Variants in MARCHF1 observed in about 807,000 individuals in gnomAD.
MARCHF1 encodes membrane associated ring-CH-type finger 1.
MARCHF1 carries 40 observed loss-of-function variants against 54.2 expected under a neutral mutation model. The observed-to-expected ratio is 0.74, with a 90% CI of 0.57 to 0.96. The LOEUF is 0.96. MARCHF1 is among the 40% of genes least tolerant of loss of function. The probability of loss-of-function intolerance (pLI) is 0.00; values close to 1 mark genes in which losing one functional copy is unlikely to be tolerated. For missense variants in MARCHF1, 586 were observed against 656.5 expected (o/e 0.89, Z 1.17); for synonymous variants, 236 against 236.3 (o/e 1.00, Z 0.01).
intron 1 of MARCHF1, among the ~76,000 whole-genome samples, chr4:164,294,512 G>A (rs958663516): frequency 2.6e-5 from 4 of 151,994 alleles, no homozygotes; most frequent in African/African-American, 9.7e-5. Flanking sequence ...TTTTTCACAT[G>A]CTGCAAAAAA....
Position 163,555,703 on chromosome 4 carries a change from A to G in MARCHF1, c.1192-9960T>C. 3 of 234,976 alleles carry G rather than the reference A, an allele frequency of 1.3e-5. No individual in the cohort carries two copies. The Admixed American group carries it at 1.5e-4, about 11-fold the overall frequency. 14.6% of individuals were successfully genotyped at this position (234,976 alleles called of 1,614,324 possible). A position where few individuals can be genotyped will look rare whatever the true frequency, so the allele number is the denominator to read the frequency against. ...GATTGTGGCTTCATAAAGAAAACAAAAGGAATAATTGGGTTACATTTCACA... is the reference window on the plus strand; with the variant it reads ...GATTGTGGCTTCATAAAGAAAACAAGAGGAATAATTGGGTTACATTTCACA... On this transcript the variant is annotated intron_variant, in intron 8 of 9. Coordinates refer to ENST00000514618, the MANE Select transcript of MARCHF1 (RefSeq NM_001394959.1).
At chr4:164,115,706 A>G (rs1755925642) in intron 1 of MARCHF1, among the ~76,000 whole-genome samples, 1 of 152,156 alleles carries the variant, frequency 6.6e-6, no homozygotes, top group Admixed American at 6.6e-5. Context: ...ATAACAAATT[A>G]TAAATATTAT....
intron 1 of MARCHF1, among the ~76,000 whole-genome samples, chr4:164,336,382 T>G (rs774205185): frequency 1.3e-5 from 2 of 152,228 alleles, no homozygotes; most frequent in Non-Finnish European, 2.9e-5. Flanking sequence ...GGATATGTAA[T>G]ATCCATTGAA....
chr4:163,906,176 G>T (rs1325710117), intron 3 of MARCHF1, among the ~76,000 whole-genome samples: 1 of 151,970 alleles, frequency 6.6e-6, no homozygotes, highest in Non-Finnish European at 1.5e-5. Flanking sequence ...GTCACAAATT[G>T]TTCCCTCCTC....
chr4:164,142,185 T>A (rs1049785227), intron 1 of MARCHF1, among the ~76,000 whole-genome samples: 1 of 152,204 alleles, frequency 6.6e-6, no homozygotes, highest in Non-Finnish European at 1.5e-5. Context: ...CCACGGAGAC[T>A]CGCTGATTGC....
At chr4:163,732,584 C>A (rs573064570) in intron 4 of MARCHF1, among the ~76,000 whole-genome samples, 16 of 151,922 alleles carry the variant, frequency 1.1e-4, no homozygotes, top group African/African-American at 3.9e-4. Context: ...TTTTCTCAAC[C>A]TAATAATAAA....
intron 1 of MARCHF1, among the ~76,000 whole-genome samples, chr4:164,259,215 A>G (rs1256244618): frequency 2.6e-5 from 4 of 152,050 alleles, no homozygotes; most frequent in African/African-American, 9.7e-5. Flanking sequence ...CTATCCATCA[A>G]TACGGTTATT....
intron 2 of MARCHF1, among the ~76,000 whole-genome samples, chr4:164,094,991 C>A (rs1755379715): frequency 6.6e-6 from 1 of 151,880 alleles, no homozygotes. Flanking sequence ...GTAAACAAAC[C>A]AAAAGCAATC....
chr4:163,603,257 T>G (rs1164125153), intron 7 of MARCHF1, among the ~76,000 whole-genome samples: 1 of 152,144 alleles, frequency 6.6e-6, no homozygotes, highest in Non-Finnish European at 1.5e-5. Context: ...AAATTTTTCT[T>G]AGTTATTAAA....
intron 3 of MARCHF1, among the ~76,000 whole-genome samples, chr4:163,931,327 T>C (rs908830210): frequency 1.3e-5 from 2 of 152,194 alleles, no homozygotes; most frequent in East Asian, 3.8e-4. Flanking sequence ...TGTAATTGAA[T>C]GCATGTATCT....
intron 2 of MARCHF1, among the ~76,000 whole-genome samples, chr4:164,019,542 C>T (rs1359284868): frequency 2.0e-5 from 3 of 152,188 alleles, no homozygotes; most frequent in African/African-American, 7.2e-5. Context: ...AGTAGCATCA[C>T]AATTTTCAAT....
chr4:163,636,812 A>G (rs1742346271), intron 5 of MARCHF1, among the ~76,000 whole-genome samples: 1 of 152,186 alleles, frequency 6.6e-6, no homozygotes, highest in Non-Finnish European at 1.5e-5. Flanking sequence ...AAAAGAACAA[A>G]GCTGGAGGCA....
chr4:164,009,225 T>A (rs1255541475), intron 2 of MARCHF1, among the ~76,000 whole-genome samples: 1 of 152,010 alleles, frequency 6.6e-6, no homozygotes, highest in Non-Finnish European at 1.5e-5. Flanking sequence ...CCTGTACACA[T>A]ACAACTACGA....
At chr4:163,728,915 A>T (rs1343015367) in intron 4 of MARCHF1, among the ~76,000 whole-genome samples, 1 of 152,160 alleles carries the variant, frequency 6.6e-6, no homozygotes, top group South Asian at 2.1e-4. Flanking sequence ...ACCATTAAGT[A>T]TGAGGTTAGT....
At chr4:164,279,660 T>G (rs1427227983) in intron 1 of MARCHF1, among the ~76,000 whole-genome samples, 1 of 151,346 alleles carries the variant, frequency 6.6e-6, no homozygotes, top group Non-Finnish European at 1.5e-5. Context: ...TATGTACAAT[T>G]ATTTGTCAAA....
At chr4:164,351,887 T>G (rs1462474594) in intron 1 of MARCHF1, among the ~76,000 whole-genome samples, 2 of 151,088 alleles carry the variant, frequency 1.3e-5, no homozygotes, top group African/African-American at 4.9e-5. Flanking sequence ...AATGTATAAC[T>G]AGAAGAACCA....
intron 2 of MARCHF1, among the ~76,000 whole-genome samples, chr4:164,091,588 C>T (rs1259788290): frequency 6.6e-6 from 1 of 151,692 alleles, no homozygotes; most frequent in South Asian, 2.1e-4. Flanking sequence ...CAAATATTGG[C>T]TTGAAATACT....
At chr4:163,731,995 T>C (rs1745854139) in intron 4 of MARCHF1, among the ~76,000 whole-genome samples, 2 of 152,230 alleles carry the variant, frequency 1.3e-5, no homozygotes, top group African/African-American at 4.8e-5. Flanking sequence ...AAATATCTAA[T>C]ATCCAACTAG....
At chr4:164,073,474 C>T (rs1754911878) in intron 2 of MARCHF1, among the ~76,000 whole-genome samples, 1 of 151,862 alleles carries the variant, frequency 6.6e-6, no homozygotes, top group African/African-American at 2.4e-5. Context: ...CGGAGGGGAA[C>T]ATCACACAGT....
Sources: allele counts gnomAD v4.1 joint callset (sites outside exome capture counted in the v4.1 genomes callset), GRCh38; gene constraint gnomAD v4.1.1; transcripts MANE v1.5; gene names NCBI Gene and HGNC (gene_info 2026-07-23, HGNC 2026-07-21).